The following ITGA1 variants were observed in gnomAD, a reference collection of about 807,000 sequenced individuals.
The protein encoded by ITGA1 is integrin subunit alpha 1.
In ITGA1, 85 loss-of-function variants were observed where a neutral mutation model predicts 145.9. The observed-to-expected ratio is 0.58, with a 90% CI of 0.49 to 0.70. The LOEUF (loss-of-function observed/expected upper bound fraction) is 0.70, where lower values mean the gene tolerates loss of function less well. ITGA1 is among the 30% of genes least tolerant of loss of function. The pLI is 0.00. For synonymous variants in ITGA1, 520 were observed against 495.3 expected (o/e 1.05, Z -0.66); for missense variants, 1,351 against 1,418.7 (o/e 0.95, Z 0.77).
At chr5:52,833,122 G>T (rs1749103593) in intron 1 of ITGA1, among the ~76,000 whole-genome samples, 1 of 151,790 alleles carries the variant, frequency 6.6e-6, no homozygotes, top group African/African-American at 2.4e-5. Context: ...AACCCAGGAT[G>T]TGGAGGCTGC....
chr5:52,957,320 G>A lies in ITGA1; in HGVS notation c.*4869G>A, dbSNP rs1751319423. The A allele has an allele frequency of 1.3e-5, 2 of 151,870 alleles. No homozygotes were observed. Among genetic ancestry groups the A allele is most frequent in the South Asian group, 4.2e-4 (2 of 4,806 alleles). The allele number at this position is 151,870 out of a possible 1,614,324, so 9.4% of individuals were successfully genotyped here. A position where few individuals can be genotyped will look rare whatever the true frequency, so the allele number is the denominator to read the frequency against. On this transcript the variant is annotated 3_prime_UTR_variant, in exon 29 of 29. Coordinates refer to ENST00000282588, the MANE Select transcript of ITGA1 (RefSeq NM_181501.2). ...CCCTTGAACCCACTACTGTTCTTATGCCCCAAGATCTGCACCTTACATCAG... is the reference window on the plus strand; with the variant it reads ...CCCTTGAACCCACTACTGTTCTTATACCCCAAGATCTGCACCTTACATCAG...
At chr5:52,800,478 CACTT>C (rs746821651) in intron 1 of ITGA1, 3 of 1,613,954 alleles carry the variant, frequency 1.9e-6, no homozygotes, top group African/African-American at 2.7e-5. Flanking sequence ...ACATGTGGCA[CACTT>C]ACAACCTCGT....
chr5:52,803,497 T>C (rs1251621762), intron 1 of ITGA1: 2 of 152,174 alleles, frequency 1.3e-5, no homozygotes, highest in African/African-American at 2.4e-5. Flanking sequence ...TGAAATGAGG[T>C]CTAATAAATA....
intron 1 of ITGA1, among the ~76,000 whole-genome samples, chr5:52,819,239 T>C (rs1439682904): frequency 6.6e-6 from 1 of 152,218 alleles, no homozygotes; most frequent in Non-Finnish European, 1.5e-5. Flanking sequence ...TCCACAATGG[T>C]TGAACTAGTT....
intron 23 of ITGA1, among the ~76,000 whole-genome samples, chr5:52,934,293 T>G (rs1418329065): frequency 1.3e-5 from 2 of 151,492 alleles, no homozygotes; most frequent in Non-Finnish European, 3.0e-5. Context: ...TAGAATGACT[T>G]TCTAGAAAAA....
At chr5:52,892,833 C>T (rs761398758) in intron 8 of ITGA1, among the ~76,000 whole-genome samples, 2 of 150,944 alleles carry the variant, frequency 1.3e-5, no homozygotes, top group Non-Finnish European at 3.0e-5. Flanking sequence ...CAGGGTTGAA[C>T]GAGGGGAGGA....
intron 26 of ITGA1, among the ~76,000 whole-genome samples, chr5:52,942,672 A>G (rs1022677322): frequency 6.7e-4 from 101 of 150,084 alleles, no homozygotes; most frequent in Non-Finnish European, 1.1e-3. Flanking sequence ...CTGGGACTAC[A>G]GGCACCCACC....
rs1292619106 is a variant in ITGA1 at position 52,864,994 on chromosome 5, T to TA, written c.409dup (p.Arg137LysfsTer14). ...AGGCTTGTGGGCCCTTATATGCCTA[T>TA]AGATGTGGACATTTGCATTACACAA... On this transcript the variant is annotated frameshift_variant, in exon 5 of 29. Transcript: ENST00000282588. LOFTEE classifies it high-confidence loss of function. 3 of 1,613,460 alleles carry TA rather than the reference T, an allele frequency of 1.9e-6. No individual in the cohort carries two copies.
intron 1 of ITGA1, among the ~76,000 whole-genome samples, chr5:52,829,397 A>G (rs1162434433): frequency 1.3e-5 from 2 of 152,160 alleles, no homozygotes; most frequent in Non-Finnish European, 2.9e-5. Context: ...ACATTTAACA[A>G]AAAGAAAAAA....
intron 12 of ITGA1, 102 bp from the exon 13 acceptor site, chr5:52,908,796 A>G (rs1283995833): frequency 7.9e-7 from 1 of 1,260,802 alleles, no homozygotes; most frequent in Non-Finnish European, 1.1e-6. Context: ...TTTGCCAACT[A>G]GCTCCTCTTC....
At chr5:52,918,081 A>G (rs779247205) in intron 15 of ITGA1, among the ~76,000 whole-genome samples, 12 of 152,174 alleles carry the variant, frequency 7.9e-5, no homozygotes, top group Non-Finnish European at 1.2e-4. Context: ...GGATTAGTAG[A>G]CATTACTGGG....
chr5:52,812,672 TG>T (rs1379745817), intron 1 of ITGA1, among the ~76,000 whole-genome samples: 1 of 151,614 alleles, frequency 6.6e-6, no homozygotes, highest in African/African-American at 2.4e-5. Flanking sequence ...ATTTGTAAAA[TG>T]GAAAAAATGA....
intron 11 of ITGA1, among the ~76,000 whole-genome samples, chr5:52,901,188 G>T (rs1406386684): frequency 6.6e-6 from 1 of 152,164 alleles, no homozygotes; most frequent in Non-Finnish European, 1.5e-5. Context: ...TCAGAGAGAT[G>T]CAGTGTTGTT....
Position 52,955,425 on chromosome 5 carries a change from A to C in ITGA1, c.*2974A>C, listed in dbSNP as rs1003410987. ...TAGAGAACATGTTGTGTCTATATAC[A>C]TATCCAATGACACACAGTATAATCA... On this transcript the variant is annotated 3_prime_UTR_variant, in exon 29 of 29. Transcript: ENST00000282588. 3.9e-5 allele frequency: 6 copies of C among 152,240 alleles called. No homozygotes were observed. The highest frequency in any genetic ancestry group is 7.4e-5 in the Non-Finnish European group (5 of 68,024). The allele number at this position is 152,240 out of a possible 1,614,324, so 9.4% of individuals were successfully genotyped here. A position where few individuals can be genotyped will look rare whatever the true frequency, so the allele number is the denominator to read the frequency against.
chr5:52,860,181 T>G (rs1298937850), intron 2 of ITGA1, among the ~76,000 whole-genome samples: 1 of 152,246 alleles, frequency 6.6e-6, no homozygotes, highest in African/African-American at 2.4e-5. Flanking sequence ...AAGTATTTTT[T>G]TCTTGCTCTG....
At chr5:52,950,175 T>C (rs1055843509) in intron 28 of ITGA1, among the ~76,000 whole-genome samples, 4 of 152,202 alleles carry the variant, frequency 2.6e-5, no homozygotes, top group African/African-American at 9.7e-5. Flanking sequence ...TCCTGAACTG[T>C]GGTACCACAT....
At position 52,908,762 on chromosome 5, in the gene ITGA1, C is replaced by A. The variant is rs989501493; in HGVS notation, c.1456-136C>A. ...GAGCCAATAAATAACTTTCAGGGAG[C>A]ATCAATTTTTATCTTTCATTTCCTT... On this transcript the variant is annotated intron_variant, in intron 12 of 28. Transcript: ENST00000282588. 8 of 836,678 alleles carry A rather than the reference C, an allele frequency of 9.6e-6. No individual in the cohort carries two copies. The African/African-American group carries it at 1.0e-4, about 11-fold the overall frequency. The allele number at this position is 836,678 out of a possible 1,614,324, so 51.8% of individuals were successfully genotyped here.
At chr5:52,849,572 A>C in intron 2 of ITGA1, 87 bp downstream of exon 2, 1 of 1,148,306 alleles carries the variant, frequency 8.7e-7, no homozygotes, top group Non-Finnish European at 1.2e-6. Context: ...TTTATGAATG[A>C]AACTTTAACA....
At position 52,933,925 on chromosome 5, in the gene ITGA1, G is replaced by T; in HGVS notation, c.2893G>T (p.Ala965Ser). The T allele has an allele frequency of 6.5e-7, 1 of 1,534,064 alleles. No individual in the cohort carries two copies. The highest frequency in any genetic ancestry group is 8.8e-7 in the Non-Finnish European group (1 of 1,135,700). Reference sequence around the variant, plus strand: ...AAGTGAATACCACATTTCAATTGCTGCCAATGAGACAGTCCCTGAAGTTAT... The same window carrying T: ...AAGTGAATACCACATTTCAATTGCTTCCAATGAGACAGTCCCTGAAGTTAT... ...SASEYHISIA[A>S]NETVPEVINS... The change falls in exon 23 of 29, where the codon GCC becomes TCC. Residue 965 changes from alanine to serine, a missense_variant. By Grantham distance (99) the Ala-to-Ser change is moderately conservative (BLOSUM62 1). Coordinates refer to ENST00000282588, the MANE Select transcript of ITGA1 (RefSeq NM_181501.2).
Sources: allele counts gnomAD v4.1 joint callset (sites outside exome capture counted in the v4.1 genomes callset), GRCh38; gene constraint gnomAD v4.1.1; transcripts MANE v1.5; gene names NCBI Gene and HGNC (gene_info 2026-07-23, HGNC 2026-07-21).